Variants in CDC73 observed in about 807,000 individuals in gnomAD.
CDC73 encodes parafibromin.
A neutral mutation model predicts 83.7 loss-of-function variants in CDC73; 21 were observed. That is an observed-to-expected ratio of 0.25 (90% CI 0.18 to 0.36). CDC73 has a LOEUF of 0.36. CDC73 is among the 10% of genes least tolerant of loss of function. The pLI is 1.00. For missense variants in CDC73, 342 were observed against 653.3 expected, an observed-to-expected ratio of 0.52 and a Z score of 5.19; for synonymous variants, 224 against 212.9, an observed-to-expected ratio of 1.05 and a Z score of -0.45.
chr1:193,160,146 A>G (rs927953183), intron 10 of CDC73, among the ~76,000 whole-genome samples: 2 of 152,156 alleles, frequency 1.3e-5, no homozygotes, highest in Non-Finnish European at 2.9e-5. Context: ...AGTTTACCCA[A>G]AACATATTAG....
At position 193,180,966 on chromosome 1, in the gene CDC73, G is replaced by T. The variant is rs758475386; in HGVS notation, c.973-22829G>T. The T allele has an allele frequency of 2.5e-6, 4 of 1,613,410 alleles. No individual in the cohort carries two copies. The Admixed American group carries it at 6.7e-5, about 27-fold the overall frequency. ...CTTCCAGTATTGCACGTTGAAGGTA[G>T]CCATTTAGCTTAATACTTAAGCCCA... On this transcript the variant is annotated intron_variant, in intron 10 of 16. Transcript: ENST00000367435.
At chr1:193,142,475 A>C (rs1193424204) in intron 7 of CDC73, among the ~76,000 whole-genome samples, 1 of 152,138 alleles carries the variant, frequency 6.6e-6, no homozygotes, top group Non-Finnish European at 1.5e-5. Context: ...GCAAACATTT[A>C]TTGAGTATAT....
intron 10 of CDC73, among the ~76,000 whole-genome samples, chr1:193,168,100 A>T (rs1453667884): frequency 6.6e-6 from 1 of 152,050 alleles, no homozygotes; most frequent in Non-Finnish European, 1.5e-5. Context: ...ACCTCAAGTG[A>T]TCTGCCCGCC....
chr1:193,151,339 T>A (rs1440072544), intron 9 of CDC73, among the ~76,000 whole-genome samples: 2 of 152,218 alleles, frequency 1.3e-5, no homozygotes, highest in African/African-American at 4.8e-5. Flanking sequence ...AAAGACTACG[T>A]CCATTCTTTC....
chr1:193,222,926 C>A (rs899004996), intron 13 of CDC73, among the ~76,000 whole-genome samples: 36 of 151,698 alleles, frequency 2.4e-4, no homozygotes, highest in African/African-American at 8.5e-4. Flanking sequence ...TTCATTATTT[C>A]GTTACTTTTA....
intron 13 of CDC73, among the ~76,000 whole-genome samples, chr1:193,232,450 A>G (rs1017896646): frequency 7.9e-5 from 12 of 151,896 alleles, no homozygotes; most frequent in Non-Finnish European, 1.8e-4. Context: ...GTGGTGTTAC[A>G]CACACATACA....
intron 11 of CDC73, among the ~76,000 whole-genome samples, chr1:193,210,646 T>A (rs1572201274): frequency 6.6e-6 from 1 of 152,162 alleles, no homozygotes; most frequent in South Asian, 2.1e-4. Flanking sequence ...CCCAGCACTT[T>A]GGGAGGCTGA....
chr1:193,187,887 T>C (rs980633839), intron 10 of CDC73, among the ~76,000 whole-genome samples: 3 of 152,198 alleles, frequency 2.0e-5, no homozygotes, highest in Admixed American at 2.0e-4. Context: ...GCTTTGACTT[T>C]TCCTAGTTAA....
chr1:193,159,082 A>G (rs1676258486), intron 10 of CDC73, among the ~76,000 whole-genome samples: 1 of 152,166 alleles, frequency 6.6e-6, no homozygotes, highest in Non-Finnish European at 1.5e-5. Flanking sequence ...AAAATCCTTT[A>G]TATCCCTTTT....
At chr1:193,213,194 C>G (rs1330652964) in intron 13 of CDC73, among the ~76,000 whole-genome samples, 1 of 152,096 alleles carries the variant, frequency 6.6e-6, no homozygotes, top group Non-Finnish European at 1.5e-5. Context: ...AATCTGTATA[C>G]TACTTCTTGG....
intron 11 of CDC73, among the ~76,000 whole-genome samples, chr1:193,209,821 G>A (rs1196695656): frequency 6.6e-6 from 1 of 152,014 alleles, no homozygotes; most frequent in Non-Finnish European, 1.5e-5. Context: ...AAATCCAACA[G>A]TACTTCAGTC....
At position 193,149,782 on chromosome 1, in the gene CDC73, G is replaced by A. The variant is rs1350346364; in HGVS notation, c.829-522G>A. 2.6e-5 allele frequency among the ~76,000 whole-genome samples: 4 copies of A among 152,178 alleles called. No homozygotes were observed. In the East Asian group the frequency reaches 5.8e-4, roughly 22 times the overall value. Reference sequence around the variant, plus strand: ...GTTTTTAGTTTGTTAAACATTGTGAGTTTTGATAAAGTATTTGTGATTAAA... The same window carrying A: ...GTTTTTAGTTTGTTAAACATTGTGAATTTTGATAAAGTATTTGTGATTAAA... On this transcript the variant is annotated intron_variant, in intron 8 of 16. Coordinates refer to ENST00000367435, the MANE Select transcript of CDC73 (RefSeq NM_024529.5).
intron 10 of CDC73, chr1:193,181,213 C>T (rs757910380): frequency 6.2e-7 from 1 of 1,613,942 alleles, no homozygotes; most frequent in Non-Finnish European, 8.5e-7. Context: ...TCCATTGGCA[C>T]TAAGTGTATT....
chr1:193,214,803 G>A (rs1460438738), intron 13 of CDC73, among the ~76,000 whole-genome samples: 1 of 152,184 alleles, frequency 6.6e-6, no homozygotes, highest in African/African-American at 2.4e-5. Flanking sequence ...TTAGAAATAA[G>A]TTTTAATGTT....
chr1:193,204,094 CAT>C (rs1558309875), intron 11 of CDC73, among the ~76,000 whole-genome samples: 1 of 151,410 alleles, frequency 6.6e-6, no homozygotes, highest in Non-Finnish European at 1.5e-5. Flanking sequence ...AGCAGAAAGA[CAT>C]AAATAAAGTG....
At chr1:193,153,219 C>A (rs1344471000) in intron 10 of CDC73, among the ~76,000 whole-genome samples, 1 of 151,934 alleles carries the variant, frequency 6.6e-6, no homozygotes, top group Non-Finnish European at 1.5e-5. Flanking sequence ...CTTTTTTTAA[C>A]CTAAAAATGG....
intron 3 of CDC73, among the ~76,000 whole-genome samples, 172 bp downstream of exon 3, chr1:193,130,415 C>CT (rs1335592926): frequency 6.6e-6 from 1 of 152,152 alleles, no homozygotes; most frequent in African/African-American, 2.4e-5. Context: ...TGTCTTTGCC[C>CT]TTATGGCCAG....
chr1:193,149,504 C>G (rs148157470), intron 8 of CDC73, among the ~76,000 whole-genome samples: 77 of 152,124 alleles, frequency 5.1e-4, no homozygotes, highest in African/African-American at 1.5e-3. Context: ...AACAGTTTTA[C>G]CATTTGTGAC....
intron 13 of CDC73, among the ~76,000 whole-genome samples, chr1:193,214,227 T>C (rs1677323787): frequency 6.6e-6 from 1 of 152,220 alleles, no homozygotes; most frequent in Non-Finnish European, 1.5e-5. Context: ...CTATTTTCTT[T>C]CTAGCTCAGC....
Sources: allele counts gnomAD v4.1 joint callset (sites outside exome capture counted in the v4.1 genomes callset), GRCh38; gene constraint gnomAD v4.1.1; transcripts MANE v1.5; gene names NCBI Gene and HGNC (gene_info 2026-07-23, HGNC 2026-07-21).